The following KIF13A variants were observed in gnomAD, a reference collection of about 807,000 sequenced individuals.
KIF13A encodes kinesin-like protein KIF13A.
A neutral mutation model predicts 212.2 loss-of-function variants in KIF13A; 79 were observed. The ratio of observed to expected loss-of-function variants is 0.37; its 90% CI spans 0.31 to 0.45. KIF13A has a LOEUF of 0.45. KIF13A is among the 20% of genes least tolerant of loss of function. The pLI, the probability that KIF13A is intolerant of heterozygous loss-of-function variation, is 1.00. For missense variants in KIF13A, 1,901 were observed against 2,209.0 expected (o/e 0.86, Z 2.79); for synonymous variants, 789 against 808.6 (o/e 0.98, Z 0.41).
chr6:17,879,427 G>A (rs1770861883), intron 3 of KIF13A, among the ~76,000 whole-genome samples: 1 of 152,222 alleles, frequency 6.6e-6, no homozygotes, highest in Non-Finnish European at 1.5e-5. Context: ...TGAGTAAGCA[G>A]AGGTTCAAGC....
In KIF13A at chr6:17,789,689, T is replaced by G. The variant is rs987699666; in HGVS notation, c.3261+183A>C. Reference sequence around the variant, plus strand: ...CAATATTTAGTTATAAATTTTGAACTGACAAGGCATCTATAGAAATAATAT... The same window carrying G: ...CAATATTTAGTTATAAATTTTGAACGGACAAGGCATCTATAGAAATAATAT... On this transcript the variant is annotated intron_variant, in intron 26 of 38. Transcript: ENST00000259711. The surrounding 1 kb of genome is among the most constrained non-coding windows in gnomAD (Gnocchi z 4.8). 6.6e-6 allele frequency among the ~76,000 whole-genome samples: 1 copy of G among 152,232 alleles called. No homozygotes were observed. Among genetic ancestry groups the G allele is most frequent in the Non-Finnish European group, 1.5e-5 (1 of 68,048 alleles).
chr6:17,786,377 T>C lies in KIF13A; in HGVS notation c.3362-736A>G, dbSNP rs1219835889. On this transcript the variant is annotated intron_variant, in intron 27 of 38. Coordinates refer to ENST00000259711, the MANE Select transcript of KIF13A (RefSeq NM_022113.6). This position sits in a 1 kb window ranked among gnomAD's most constrained non-coding sequence, Gnocchi z 5.4. ...ACTTTTGGAGGCCGAGGTGGGCAGA[T>C]CTCCTGAGGTCAGGAGTTCAAAACC... Among the ~76,000 whole-genome samples the C allele has an allele frequency of 6.6e-6, 1 of 152,034 alleles. No individual in the cohort carries two copies. The highest frequency in any genetic ancestry group is 1.5e-5 in the Non-Finnish European group (1 of 68,010).
intron 4 of KIF13A, among the ~76,000 whole-genome samples, chr6:17,866,328 T>C (rs1721315381): frequency 6.6e-6 from 1 of 152,166 alleles, no homozygotes; most frequent in African/African-American, 2.4e-5. Context: ...TTTAGTAGTA[T>C]TCCTGGCTAG....
rs1210335213 is a variant in KIF13A, at chr6:17,883,981, A to C, written c.160-10544T>G. 6.6e-6 allele frequency among the ~76,000 whole-genome samples: 1 copy of C among 152,120 alleles called. No individual in the cohort carries two copies. The highest frequency in any genetic ancestry group is 1.5e-5 in the Non-Finnish European group (1 of 68,012). ...AAGAGAAGGAAATCATAATAATAAC[A>C]AAAAAAGAGAAAGGAATGTAGAACT... is the stretch of plus-strand genomic sequence containing the variant. On this transcript the variant is annotated intron_variant, in intron 3 of 38. Transcript: ENST00000259711. The surrounding 1 kb of genome is among the most constrained non-coding windows in gnomAD (Gnocchi z 4.8).
At chr6:17,845,980 G>A (rs1766994962) in intron 9 of KIF13A, among the ~76,000 whole-genome samples, 1 of 151,448 alleles carries the variant, frequency 6.6e-6, no homozygotes, top group African/African-American at 2.4e-5. Flanking sequence ...GAAACGTTAA[G>A]TGGGAGGACG....
At position 17,804,348 on chromosome 6, in the gene KIF13A, G is replaced by T. The variant is rs758189202; in HGVS notation, c.2454+13C>A. On this transcript the variant is annotated intron_variant, in intron 20 of 38. Transcript: ENST00000259711. ...TGAACCACCATCGTTCTCCAAGGCT[G>T]GCCTGTGCTTACCTCCCCCTGCTGG... The T allele has an allele frequency of 1.3e-6, 2 of 1,518,800 alleles. No individual in the cohort carries two copies. Among genetic ancestry groups the T allele is most frequent in the South Asian group, 2.5e-5 (2 of 79,192 alleles). 94.1% of individuals were successfully genotyped at this position (1,518,800 alleles called of 1,614,324 possible). A position where few individuals can be genotyped will look rare whatever the true frequency, so the allele number is the denominator to read the frequency against.
At chr6:17,803,422 C>T (rs1175109844) in intron 20 of KIF13A, among the ~76,000 whole-genome samples, 1 of 152,132 alleles carries the variant, frequency 6.6e-6, no homozygotes, top group Non-Finnish European at 1.5e-5. Flanking sequence ...TTACACCCCA[C>T]AACTGGGAAC....
In KIF13A at chr6:17,785,884, T is replaced by A. The variant is rs1761017799; in HGVS notation, c.3362-243A>T. 6.6e-6 allele frequency among the ~76,000 whole-genome samples: 1 copy of A among 152,098 alleles called. No individual in the cohort carries two copies. Among genetic ancestry groups the A allele is most frequent in the Non-Finnish European group, 1.5e-5 (1 of 68,014 alleles). ...GTGAGCTATCATCACATTACTGTAC[T>A]AAAGCCTGGGCAACAGACAAGAGAC... is the stretch of plus-strand genomic sequence containing the variant. On this transcript the variant is annotated intron_variant, in intron 27 of 38. Coordinates refer to ENST00000259711, the MANE Select transcript of KIF13A (RefSeq NM_022113.6). The surrounding 1 kb of genome is among the most constrained non-coding windows in gnomAD (Gnocchi z 5.8).
rs1039587498 is a variant in KIF13A at position 17,825,698 on chromosome 6, C to T, written c.1786+70G>A. The T allele has an allele frequency of 5.0e-6, 7 of 1,412,422 alleles. No homozygotes were observed. Among genetic ancestry groups the T allele is most frequent in the South Asian group, 2.6e-5 (2 of 77,344 alleles). The allele number at this position is 1,412,422 out of a possible 1,614,324, so 87.5% of individuals were successfully genotyped here. A position where few individuals can be genotyped will look rare whatever the true frequency, so the allele number is the denominator to read the frequency against. On this transcript the variant is annotated intron_variant, in intron 16 of 38. Transcript: ENST00000259711. This position sits in a 1 kb window ranked among gnomAD's most constrained non-coding sequence, Gnocchi z 4.5. Reference sequence around the variant, plus strand: ...AATGCGGAATGACACCTGATGCATGCTTATCCCTCACTGAATGGTGTGAGG... The same window carrying T: ...AATGCGGAATGACACCTGATGCATGTTTATCCCTCACTGAATGGTGTGAGG...
intron 2 of KIF13A, among the ~76,000 whole-genome samples, chr6:17,948,420 T>G (rs1160240374): frequency 2.6e-5 from 4 of 152,236 alleles, no homozygotes; most frequent in Non-Finnish European, 5.9e-5. Flanking sequence ...ACTCCCAACT[T>G]CAGAAAAAAT....
At chr6:17,891,280 A>C (rs1281264664) in intron 3 of KIF13A, among the ~76,000 whole-genome samples, 1 of 152,248 alleles carries the variant, frequency 6.6e-6, no homozygotes, top group Non-Finnish European at 1.5e-5. Context: ...AATTTACAAA[A>C]TGTAACATTT....
chr6:17,803,894 TGTAA>T (rs548122533), intron 20 of KIF13A, among the ~76,000 whole-genome samples: 69 of 152,354 alleles, frequency 4.5e-4, no homozygotes, highest in African/African-American at 1.5e-3. Context: ...GGCTCACGCC[TGTAA>T]TCCCAGCACT....
Position 17,836,890 on chromosome 6 carries a change from G to T in KIF13A, c.1143C>A (p.Leu381=), listed in dbSNP as rs1372333592. Residue 381 remains leucine, a synonymous_variant, in exon 11 of 39, where the codon CTC becomes CTA. Transcript: ENST00000259711. Reference sequence around the variant, plus strand: ...AGGCTGCTTTTACCTCTGCCTGAGAGAGCTGCTCTCTCAGTTTCTCGACTT... The same window carrying T: ...AGGCTGCTTTTACCTCTGCCTGAGATAGCTGCTCTCTCAGTTTCTCGACTT... The part of the protein sequence containing the change: ...REEVEKLREQ[L]SQAEAMKAPE... 6.2e-7 allele frequency: 1 copy of T among 1,613,724 alleles called. No homozygotes were observed. The highest frequency in any genetic ancestry group is 1.3e-5 in the African/African-American group (1 of 74,924).
chr6:17,834,111 T>C lies in KIF13A; in HGVS notation c.1156-40A>G, dbSNP rs1236573896. 2.3e-6 allele frequency: 3 copies of C among 1,314,354 alleles called. No individual in the cohort carries two copies. The highest frequency in any genetic ancestry group is 2.7e-5 in the South Asian group (2 of 75,136). 81.4% of individuals were successfully genotyped at this position (1,314,354 alleles called of 1,614,324 possible). A position where few individuals can be genotyped will look rare whatever the true frequency, so the allele number is the denominator to read the frequency against. On this transcript the variant is annotated intron_variant, in intron 11 of 38. Transcript: ENST00000259711. The surrounding 1 kb of genome is among the most constrained non-coding windows in gnomAD (Gnocchi z 4.0). ...CAGAGATATCTGATGTTCAAAATTTTTCCACCATCATATACAAGACAATCA... is the reference window on the plus strand; with the variant it reads ...CAGAGATATCTGATGTTCAAAATTTCTCCACCATCATATACAAGACAATCA...
At position 17,934,808 on chromosome 6, in the gene KIF13A, TA is replaced by T. The variant is rs1776317247; in HGVS notation, c.147-36629del. ...TCTCCAAAAAAAAAAAAAAGACACT[TA>T]AAAATAATACTCTTGTGCTGTTTGT... On this transcript the variant is annotated intron_variant, in intron 2 of 38. Transcript: ENST00000259711. The surrounding 1 kb of genome is among the most constrained non-coding windows in gnomAD (Gnocchi z 5.4). Among the ~76,000 whole-genome samples the T allele has an allele frequency of 6.6e-6, 1 of 151,242 alleles. No homozygotes were observed. Among genetic ancestry groups the T allele is most frequent in the South Asian group, 2.1e-4 (1 of 4,812 alleles).
intron 9 of KIF13A, among the ~76,000 whole-genome samples, chr6:17,841,548 A>AAGC (rs1312498111): frequency 6.6e-6 from 1 of 152,190 alleles, no homozygotes; most frequent in Admixed American, 6.5e-5. Flanking sequence ...TATAGCATGT[A>AAGC]AGCAGCAGCA....
rs1414201248 is a variant in KIF13A, at chr6:17,786,238, G to A, written c.3362-597C>T. Among the ~76,000 whole-genome samples, 2 of 152,132 alleles carry A rather than the reference G, an allele frequency of 1.3e-5. No individual in the cohort carries two copies. The highest frequency in any genetic ancestry group is 4.8e-5 in the African/African-American group (2 of 41,420). On this transcript the variant is annotated intron_variant, in intron 27 of 38. Coordinates refer to ENST00000259711, the MANE Select transcript of KIF13A (RefSeq NM_022113.6). The surrounding 1 kb of genome is among the most constrained non-coding windows in gnomAD (Gnocchi z 5.4). Reference sequence around the variant, plus strand: ...ATCTACTTCATGTACTTGCTGGAAGGATCAAATGAAATACGGATGTGACAC... The same window carrying A: ...ATCTACTTCATGTACTTGCTGGAAGAATCAAATGAAATACGGATGTGACAC...
intron 9 of KIF13A, among the ~76,000 whole-genome samples, chr6:17,848,774 C>T (rs942780994): frequency 2.6e-5 from 4 of 151,650 alleles, no homozygotes; most frequent in Admixed American, 1.3e-4. Context: ...TGGGTACAAA[C>T]GGGGTAGAGA....
intron 19 of KIF13A, among the ~76,000 whole-genome samples, chr6:17,805,021 C>CA (rs951869056): frequency 2.0e-5 from 3 of 151,844 alleles, no homozygotes; most frequent in Non-Finnish European, 4.4e-5. Context: ...TGCTAATGTC[C>CA]AAAAAATGGA....
Sources: gnomAD v4.1 joint callset for allele counts (sites outside exome capture counted in the v4.1 genomes callset) on GRCh38, gnomAD v4.1.1 for gene constraint, Gnocchi (gnomAD v3.1) non-coding constraint, MANE v1.5 for transcripts, NCBI Gene and HGNC (gene_info 2026-07-23, HGNC 2026-07-21) for gene names.